STK40: variants seen among roughly 807,000 people sequenced by gnomAD.
STK40 encodes serine/threonine-protein kinase 40.
In STK40, 13 loss-of-function variants were observed where a neutral mutation model predicts 47.9. The observed-to-expected ratio is 0.27, with a 90% CI of 0.18 to 0.43. The LOEUF is 0.43. STK40 is among the 20% of genes least tolerant of loss of function. STK40 has a pLI of 1.00. For synonymous variants in STK40, 225 were observed against 243.2 expected, an observed-to-expected ratio of 0.93 and a Z score of 0.69; for missense variants, 460 against 595.1, an observed-to-expected ratio of 0.77 and a Z score of 2.36.
chr1:36,343,407 G>A lies in STK40; in HGVS notation c.1046C>T (p.Pro349Leu). Residue 349 changes from proline (P) to leucine (L), a missense_variant, in exon 10 of 11, where the codon CCT becomes CTT. By Grantham distance (98) the Pro-to-Leu change is moderately conservative. Coordinates refer to ENST00000373132, the MANE Select transcript of STK40 (RefSeq NM_001282547.2). ...ATTGCTCATTTGGTCATCAATGTCA[G>A]GAACCACTTGCAAAGGCCCACTCAG... Reference protein sequence around the residue: ...SSLSGPLQVVPDIDDQMSNAD... With the variant: ...SSLSGPLQVVLDIDDQMSNAD... 6.2e-7 allele frequency: 1 copy of A among 1,613,788 alleles called. No homozygotes were observed. Among genetic ancestry groups the A allele is most frequent in the Non-Finnish European group, 8.5e-7 (1 of 1,179,846 alleles).
rs761766589 is a variant in STK40, at chr1:36,344,269, G to A, written c.740-5C>T. On this transcript the variant is annotated splice_region_variant and splice_polypyrimidine_tract_variant and intron_variant, in intron 7 of 10. Coordinates refer to ENST00000373132, the MANE Select transcript of STK40 (RefSeq NM_001282547.2). ...GCTTGCCACGGTACGGCCGGCCTAC[G>A]GGCACACACATACCACACTGTCTTC... The A allele has an allele frequency of 2.5e-5, 40 of 1,591,868 alleles. No individual in the cohort carries two copies. The highest frequency in any genetic ancestry group is 4.0e-5 in the African/African-American group (3 of 74,610).
intron 6 of STK40, among the ~76,000 whole-genome samples, chr1:36,353,174 T>A (rs1189430123): frequency 6.6e-6 from 1 of 152,226 alleles, no homozygotes; most frequent in African/African-American, 2.4e-5. Context: ...AGATTCAGGC[T>A]GCCTTTGTAA....
intron 4 of STK40, among the ~76,000 whole-genome samples, chr1:36,357,433 T>A (rs1356502446): frequency 6.6e-6 from 1 of 152,168 alleles, no homozygotes; most frequent in East Asian, 1.9e-4. Context: ...GGCCTCCCAG[T>A]CATTCTGAAC....
intron 1 of STK40, among the ~76,000 whole-genome samples, chr1:36,377,532 CAAAAAAAAAA>C (rs746089027): frequency 2.8e-5 from 1 of 35,502 alleles, no homozygotes; most frequent in Admixed American, 2.7e-4. Flanking sequence ...GACTCCGTCT[CAAAAAAAAAA>C]AAAAAAAAAA....
chr1:36,352,493 G>A (rs1218973855), intron 6 of STK40, among the ~76,000 whole-genome samples: 1 of 152,128 alleles, frequency 6.6e-6, no homozygotes, highest in African/African-American at 2.4e-5. Context: ...ACACTCTCAC[G>A]GTCTCCAAGA....
At position 36,343,868 on chromosome 1, in the gene STK40, AATG is replaced by A. The variant is rs1557503854; in HGVS notation, c.993_995del (p.Ile332del). On this transcript the variant is annotated inframe_deletion, in exon 9 of 11. Coordinates refer to ENST00000373132, the MANE Select transcript of STK40 (RefSeq NM_001282547.2). The stretch of plus-strand genomic sequence containing the variant: ...AGTGCCTGTCCACTTACCATGATGC[AATG>A]ATGGCACTGAGGGCCTCCAGGACGT... The A allele has an allele frequency of 5.0e-6, 8 of 1,593,792 alleles. No individual in the cohort carries two copies. The highest frequency in any genetic ancestry group is 6.9e-6 in the Non-Finnish European group (8 of 1,166,240).
intron 4 of STK40, among the ~76,000 whole-genome samples, chr1:36,357,043 CTTTGT>C (rs1049036240): frequency 5.9e-5 from 9 of 152,126 alleles, no homozygotes; most frequent in African/African-American, 1.9e-4. Context: ...AGTGTTTTCC[CTTTGT>C]TTTATTTTAG....
chr1:36,353,259 G>A (rs551206115), intron 6 of STK40, among the ~76,000 whole-genome samples: 138 of 152,300 alleles, frequency 9.1e-4, no homozygotes, highest in Admixed American at 2.7e-3. Flanking sequence ...GGGCGGAGTG[G>A]GGGAGATGTG....
intron 1 of STK40, among the ~76,000 whole-genome samples, chr1:36,370,592 C>G (rs1298672779): frequency 6.6e-6 from 1 of 152,238 alleles, no homozygotes; most frequent in Non-Finnish European, 1.5e-5. Context: ...CCCGTGCACA[C>G]TAGGTGGCTG....
chr1:36,344,887 G>A (rs556705657), intron 7 of STK40, among the ~76,000 whole-genome samples: 1 of 152,236 alleles, frequency 6.6e-6, no homozygotes, highest in Non-Finnish European at 1.5e-5. Context: ...GGCATCTAAC[G>A]GAGCACCCGC....
intron 5 of STK40, among the ~76,000 whole-genome samples, 164 bp downstream of exon 5, chr1:36,355,042 A>G (rs1461976589): frequency 6.6e-6 from 1 of 152,148 alleles, no homozygotes; most frequent in East Asian, 1.9e-4. Flanking sequence ...GCAGGGTGGC[A>G]CTGTGCCTCA....
At chr1:36,356,662 T>C (rs1021674642) in intron 4 of STK40, among the ~76,000 whole-genome samples, 2 of 152,062 alleles carry the variant, frequency 1.3e-5, no homozygotes, top group Non-Finnish European at 2.9e-5. Context: ...CCTGACCTCA[T>C]GATCCGCCCG....
At chr1:36,376,066 T>C (rs1646990104) in intron 1 of STK40, among the ~76,000 whole-genome samples, 1 of 151,910 alleles carries the variant, frequency 6.6e-6, no homozygotes, top group East Asian at 1.9e-4. Context: ...AGCAATACAA[T>C]TCACTTTCTG....
At chr1:36,349,340 T>G (rs1646730977) in intron 6 of STK40, among the ~76,000 whole-genome samples, 1 of 152,154 alleles carries the variant, frequency 6.6e-6, no homozygotes, top group Non-Finnish European at 1.5e-5. Context: ...CCACAACCAC[T>G]GCAGAGGAAG....
In STK40 at chr1:36,341,666, C is replaced by A; in HGVS notation, c.*89G>T. On this transcript the variant is annotated 3_prime_UTR_variant, in exon 11 of 11. Coordinates refer to ENST00000373132, the MANE Select transcript of STK40 (RefSeq NM_001282547.2). ...TGTCCCTATTGTGGCCCGGGAGAGT[C>A]CAGCACTACAGGGCCCAGCCCTGAC... The A allele has an allele frequency of 2.0e-6, 3 of 1,507,962 alleles. No homozygotes were observed. Among genetic ancestry groups the A allele is most frequent in the South Asian group, 1.2e-5 (1 of 81,934 alleles). The allele number at this position is 1,507,962 out of a possible 1,614,324, so 93.4% of individuals were successfully genotyped here. A position where few individuals can be genotyped will look rare whatever the true frequency, so the allele number is the denominator to read the frequency against.
At chr1:36,375,563 T>TGATA (rs1646984694) in intron 1 of STK40, among the ~76,000 whole-genome samples, 1 of 150,996 alleles carries the variant, frequency 6.6e-6, no homozygotes, top group African/African-American at 2.4e-5. Flanking sequence ...ATTTCCAGAG[T>TGATA]GATAGAGAGG....
rs546315590 is a variant in STK40 at position 36,357,396 on chromosome 1, TG to T, written c.342+842del. 1.2e-3 allele frequency among the ~76,000 whole-genome samples: 189 copies of T among 152,322 alleles called. 1 individual carries two copies. Among genetic ancestry groups the T allele is most frequent in the African/African-American group, 4.3e-3 (179 of 41,570 alleles). On this transcript the variant is annotated intron_variant, in intron 4 of 10. Coordinates refer to ENST00000373132, the MANE Select transcript of STK40 (RefSeq NM_001282547.2). ...GCTCAGTGGATGCTCAGCTGAGGAA[TG>T]GGGCTGTTCCCAAGCCTGTGAAGGA...
intron 6 of STK40, among the ~76,000 whole-genome samples, 184 bp from the exon 7 acceptor site, chr1:36,348,999 C>G (rs1646728497): frequency 6.6e-6 from 1 of 152,220 alleles, no homozygotes; most frequent in Admixed American, 6.5e-5. Flanking sequence ...GAATCAGGCC[C>G]CAGACTTTTC....
intron 10 of STK40, chr1:36,343,007 T>C: frequency 5.0e-6 from 3 of 596,104 alleles, no homozygotes; most frequent in Non-Finnish European, 9.0e-6. Flanking sequence ...ATGAATCATC[T>C]GAAAAATGAA....
Sources: gnomAD v4.1 joint callset for allele counts (sites outside exome capture counted in the v4.1 genomes callset) on GRCh38, gnomAD v4.1.1 for gene constraint, MANE v1.5 for transcripts, NCBI Gene and HGNC (gene_info 2026-07-23, HGNC 2026-07-21) for gene names.